Variants in CEP128 observed in about 807,000 individuals in gnomAD.
The protein encoded by CEP128 is centrosomal protein 128kDa.
In CEP128, 132 loss-of-function variants were observed where a neutral mutation model predicts 156.7. That is an observed-to-expected ratio of 0.84 (90% CI 0.73 to 0.97). CEP128 has a LOEUF of 0.97. Ranked by LOEUF, CEP128 falls within the 50% of genes least tolerant of loss-of-function variation. The probability of loss-of-function intolerance (pLI) is 0.00; values close to 1 mark genes in which losing one functional copy is unlikely to be tolerated. For synonymous variants in CEP128, 469 were observed against 448.9 expected (o/e 1.04, Z -0.57); for missense variants, 1,252 against 1,281.9 (o/e 0.98, Z 0.36).
intron 19 of CEP128, among the ~76,000 whole-genome samples, chr14:80,606,323 G>A (rs1051844789): frequency 5.3e-5 from 8 of 151,920 alleles, no homozygotes; most frequent in African/African-American, 1.9e-4. Flanking sequence ...TTTTGCTTCT[G>A]GATATGCAGA....
intron 15 of CEP128, among the ~76,000 whole-genome samples, chr14:80,781,809 T>C (rs923643500): frequency 6.6e-6 from 1 of 152,250 alleles, no homozygotes; most frequent in Non-Finnish European, 1.5e-5. Context: ...TATTTCTCAC[T>C]GAAGAATGCA....
chr14:80,582,015 C>T (rs973003902), intron 19 of CEP128, among the ~76,000 whole-genome samples: 1 of 152,198 alleles, frequency 6.6e-6, no homozygotes, highest in Non-Finnish European at 1.5e-5. Flanking sequence ...TCCACTTTTT[C>T]ACTTGGAACC....
intron 19 of CEP128, among the ~76,000 whole-genome samples, chr14:80,616,394 TTTTACAGGGG>T (rs1893213225): frequency 2.6e-5 from 4 of 152,180 alleles, no homozygotes; most frequent in Non-Finnish European, 5.9e-5. Flanking sequence ...ATTTTCCCCA[TTTTACAGGGG>T]AGGAGACAAG....
intron 8 of CEP128, among the ~76,000 whole-genome samples, chr14:80,887,190 C>T (rs1423320700): frequency 6.6e-6 from 1 of 152,132 alleles, no homozygotes; most frequent in Non-Finnish European, 1.5e-5. Context: ...GAGACTTTAA[C>T]ATCCCACTGT....
chr14:80,578,297 T>C (rs1342252111), intron 20 of CEP128, among the ~76,000 whole-genome samples: 2 of 152,136 alleles, frequency 1.3e-5, no homozygotes, highest in Non-Finnish European at 2.9e-5. Flanking sequence ...AATGAGTAAA[T>C]GGAGTACCTC....
chr14:80,517,436 G>A (rs779937317), intron 23 of CEP128, among the ~76,000 whole-genome samples: 35 of 152,016 alleles, frequency 2.3e-4, no homozygotes, highest in Non-Finnish European at 4.9e-4. Context: ...TTTTATATAG[G>A]TAACATATTT....
intron 19 of CEP128, among the ~76,000 whole-genome samples, chr14:80,595,267 A>G (rs1042169728): frequency 1.3e-5 from 2 of 152,222 alleles, no homozygotes; most frequent in African/African-American, 4.8e-5. Flanking sequence ...TTGGAGTTGA[A>G]CAATGAGAAC....
intron 24 of CEP128, among the ~76,000 whole-genome samples, chr14:80,501,360 C>A (rs1887724638): frequency 6.6e-6 from 1 of 152,036 alleles, no homozygotes; most frequent in Admixed American, 6.6e-5. Flanking sequence ...TTTTCAACAA[C>A]AACATTGGAT....
intron 8 of CEP128, among the ~76,000 whole-genome samples, chr14:80,865,537 T>C (rs1033143816): frequency 2.6e-5 from 4 of 152,208 alleles, no homozygotes; most frequent in Non-Finnish European, 1.5e-5. Context: ...TAGGTCCCAA[T>C]GATCCATGCT....
chr14:80,776,794 T>C (rs1405122666), intron 16 of CEP128, among the ~76,000 whole-genome samples: 1 of 152,132 alleles, frequency 6.6e-6, no homozygotes, highest in Non-Finnish European at 1.5e-5. Flanking sequence ...ACATTTGACT[T>C]CTATTACCTT....
intron 19 of CEP128, among the ~76,000 whole-genome samples, chr14:80,656,298 T>C: frequency 1.7e-4 from 1 of 5,972 alleles, no homozygotes. Context: ...TATTTATATA[T>C]ATATATATAT....
intron 9 of CEP128, among the ~76,000 whole-genome samples, chr14:80,848,023 G>T (rs1755538886): frequency 6.6e-6 from 1 of 152,300 alleles, no homozygotes; most frequent in African/African-American, 2.4e-5. Flanking sequence ...TCCTGGTACT[G>T]GGGATGCAGC....
At chr14:80,634,233 ATTCT>A (rs1894087969) in intron 19 of CEP128, among the ~76,000 whole-genome samples, 1 of 152,222 alleles carries the variant, frequency 6.6e-6, no homozygotes, top group Non-Finnish European at 1.5e-5. Context: ...AGAAACAAAG[ATTCT>A]TGCTGGAAAG....
At chr14:80,497,622 A>G in intron 24 of CEP128, 40 bp from the exon 25 acceptor site, 1 of 1,352,748 alleles carries the variant, frequency 7.4e-7, no homozygotes, top group Non-Finnish European at 1.0e-6. Context: ...AACCTAGGTG[A>G]ATATAAAACT....
Position 80,604,777 on chromosome 14 carries a change from T to C in CEP128, c.2807-24354A>G, listed in dbSNP as rs572041648. On this transcript the variant is annotated intron_variant, in intron 19 of 24. Transcript: ENST00000555265. ...CACTATATTCAAACTCTTTGGTAAG[T>C]ACCATGTTCAGGAGATTCTAGTTCA... 5.9e-5 allele frequency among the ~76,000 whole-genome samples: 9 copies of C among 152,262 alleles called. No homozygotes were observed. In the South Asian group the frequency reaches 1.9e-3, roughly 32 times the overall value.
chr14:80,947,378 A>G (rs1886371044), intron 2 of CEP128, among the ~76,000 whole-genome samples: 1 of 152,212 alleles, frequency 6.6e-6, no homozygotes, highest in South Asian at 2.1e-4. Flanking sequence ...AAAGAAAAAG[A>G]AGAAGAAAAT....
intron 19 of CEP128, among the ~76,000 whole-genome samples, chr14:80,704,091 T>C (rs997953598): frequency 1.3e-5 from 2 of 152,108 alleles, no homozygotes; most frequent in African/African-American, 4.8e-5. Context: ...ACTTATGTAA[T>C]GAGAAAAACA....
intron 23 of CEP128, among the ~76,000 whole-genome samples, chr14:80,510,857 A>T (rs1408197989): frequency 6.6e-6 from 1 of 151,878 alleles, no homozygotes; most frequent in Non-Finnish European, 1.5e-5. Context: ...TTCAATATCA[A>T]TTGAAATGAT....
intron 19 of CEP128, among the ~76,000 whole-genome samples, chr14:80,591,012 A>G (rs1455199648): frequency 6.6e-6 from 1 of 152,180 alleles, no homozygotes; most frequent in Non-Finnish European, 1.5e-5. Flanking sequence ...AGGAAGCACT[A>G]AATACGGAAA....
Sources: allele counts gnomAD v4.1 joint callset (sites outside exome capture counted in the v4.1 genomes callset), GRCh38; gene constraint gnomAD v4.1.1; transcripts MANE v1.5; gene names NCBI Gene and HGNC (gene_info 2026-07-23, HGNC 2026-07-21).